Variants in CGNL1 observed in about 807,000 individuals in gnomAD.
The protein encoded by CGNL1 is cingulin-like protein 1.
A neutral mutation model predicts 141.2 loss-of-function variants in CGNL1; 132 were observed. That is an observed-to-expected ratio of 0.93 (90% CI 0.81 to 1.08). The LOEUF (loss-of-function observed/expected upper bound fraction) is 1.08. Ranked by LOEUF, CGNL1 falls within the 50% of genes least tolerant of loss-of-function variation. The pLI, the probability that CGNL1 is intolerant of heterozygous loss-of-function variation, is 0.00. For missense variants in CGNL1, 1,870 were observed against 1,588.6 expected (o/e 1.18, Z -3.01); for synonymous variants, 690 against 622.1 (o/e 1.11, Z -1.63).
chr15:57,458,255 G>A (rs2063403579), intron 7 of CGNL1, among the ~76,000 whole-genome samples: 1 of 152,154 alleles, frequency 6.6e-6, no homozygotes, highest in Non-Finnish European at 1.5e-5. Flanking sequence ...TCTAATGGAT[G>A]TATACTTACA....
intron 1 of CGNL1, among the ~76,000 whole-genome samples, chr15:57,380,953 A>G (rs1054926640): frequency 9.8e-5 from 15 of 152,302 alleles, no homozygotes; most frequent in Middle Eastern, 3.4e-3. Context: ...GCTCCTGCCA[A>G]TGGGCAGACA....
intron 3 of CGNL1, among the ~76,000 whole-genome samples, 190 bp from the exon 4 acceptor site, chr15:57,442,183 A>G (rs80015813): frequency 0.012 from 124 of 10,298 alleles, 2 homozygotes; most frequent in East Asian, 0.025. Context: ...CATTTATTTG[A>G]AAAAAAAAAA....
intron 1 of CGNL1, among the ~76,000 whole-genome samples, chr15:57,391,277 G>C (rs2062539951): frequency 6.6e-6 from 1 of 152,218 alleles, no homozygotes; most frequent in Non-Finnish European, 1.5e-5. Context: ...GAAGCCATGT[G>C]AGCCTCGTGC....
chr15:57,476,122 C>T (rs542123785), intron 8 of CGNL1, among the ~76,000 whole-genome samples: 2 of 152,300 alleles, frequency 1.3e-5, no homozygotes, highest in Non-Finnish European at 2.9e-5. Context: ...GACAAGAAAG[C>T]TGACAGCCAG....
intron 1 of CGNL1, among the ~76,000 whole-genome samples, chr15:57,421,659 G>C (rs2062916461): frequency 6.6e-6 from 1 of 152,124 alleles, no homozygotes; most frequent in Non-Finnish European, 1.5e-5. Context: ...GAGCAGGAGA[G>C]CCCACTTTTA....
chr15:57,426,664 G>A (rs2062979171), intron 1 of CGNL1, among the ~76,000 whole-genome samples: 1 of 137,038 alleles, frequency 7.3e-6, no homozygotes, highest in African/African-American at 2.8e-5. Context: ...TTGCCATGTT[G>A]CCCAGGCTGG....
intron 1 of CGNL1, among the ~76,000 whole-genome samples, chr15:57,394,420 C>T (rs562378555): frequency 5.0e-4 from 76 of 152,190 alleles, no homozygotes; most frequent in Middle Eastern, 3.4e-3. Flanking sequence ...CCACCATGCC[C>T]GGCTTATTTG....
At position 57,438,760 on chromosome 15, in the gene CGNL1, G is replaced by A; in HGVS notation, c.761G>A (p.Gly254Glu). The change falls in exon 2 of 19, where the codon GGG becomes GAG. Residue 254 changes from glycine to glutamate, a missense_variant. Physicochemically the swap from Gly to Glu is moderately conservative, Grantham distance 98 (BLOSUM62 -2). Transcript: ENST00000281282. ...RVGEEALFTS[G>E]RPLTAHSPHA... ...GGAGAGGAGGCCCTTTTCACTAGCG[G>A]GAGGCCCCTGACTGCCCACAGCCCA... 1.9e-6 allele frequency: 3 copies of A among 1,614,132 alleles called. No homozygotes were observed. Among genetic ancestry groups the A allele is most frequent in the Non-Finnish European group, 2.5e-6 (3 of 1,180,022 alleles).
At chr15:57,523,943 C>A (rs1228181005) in intron 11 of CGNL1, among the ~76,000 whole-genome samples, 2 of 152,204 alleles carry the variant, frequency 1.3e-5, no homozygotes, top group Non-Finnish European at 2.9e-5. Flanking sequence ...GAATCGACAT[C>A]TCTGTGCAGA....
intron 8 of CGNL1, among the ~76,000 whole-genome samples, chr15:57,496,181 C>G (rs1595764870): frequency 6.6e-6 from 1 of 152,174 alleles, no homozygotes; most frequent in Non-Finnish European, 1.5e-5. Context: ...ACCCTCCAAA[C>G]AGCCTTAGTT....
chr15:57,428,916 C>T (rs1028163188), intron 1 of CGNL1, among the ~76,000 whole-genome samples: 1 of 151,784 alleles, frequency 6.6e-6, no homozygotes, highest in African/African-American at 2.4e-5. Context: ...CCAGCTACTC[C>T]GGAGGCTGAG....
chr15:57,455,415 G>C (rs1048846673), intron 7 of CGNL1, among the ~76,000 whole-genome samples: 1 of 152,126 alleles, frequency 6.6e-6, no homozygotes, highest in South Asian at 2.1e-4. Context: ...TGTTATCTTA[G>C]CTCTTGGGAA....
rs1225886583 is a variant in CGNL1 at position 57,509,050 on chromosome 15, G to C, written c.2404-7730G>C. Among the ~76,000 whole-genome samples, 10 of 152,102 alleles carry C rather than the reference G, an allele frequency of 6.6e-5. 1 individual carries two copies. Among genetic ancestry groups the C allele is most frequent in the Admixed American group, 6.5e-4 (10 of 15,272 alleles). ...AGGGGGAAGCTGAAGACACAATATG[G>C]GGGACTTGCTTTCCTAACACTTCAG... On this transcript the variant is annotated intron_variant, in intron 8 of 18. Coordinates refer to ENST00000281282, the MANE Select transcript of CGNL1 (RefSeq NM_032866.5).
In CGNL1 at chr15:57,461,747, T is replaced by G. The variant is rs1269395356; in HGVS notation, c.2258T>G (p.Leu753Trp). ...GCCAAAGAGGAGCAAGAAGACCTCT[T>G]GAGAAAGCGAGAGCGTGAACTCACC... ...LIAKEEQEDL[L>W]RKRERELTAL... The change falls in exon 8 of 19, where the codon TTG (leucine) becomes TGG (tryptophan). Residue 753 changes from leucine to tryptophan, a missense_variant. Leu to Trp is a moderately conservative substitution (Grantham distance 61). Coordinates refer to ENST00000281282, the MANE Select transcript of CGNL1 (RefSeq NM_032866.5). 1.2e-6 allele frequency: 2 copies of G among 1,614,058 alleles called. No individual in the cohort carries two copies. Among genetic ancestry groups the G allele is most frequent in the Non-Finnish European group, 8.5e-7 (1 of 1,180,002 alleles).
chr15:57,386,463 C>T (rs1595647012), intron 1 of CGNL1, among the ~76,000 whole-genome samples: 1 of 152,186 alleles, frequency 6.6e-6, no homozygotes, highest in South Asian at 2.1e-4. Flanking sequence ...ATGGTTGGGG[C>T]TCAACAAAGA....
chr15:57,407,868 C>T (rs1027565482), intron 1 of CGNL1, among the ~76,000 whole-genome samples: 20 of 151,500 alleles, frequency 1.3e-4, no homozygotes, highest in Admixed American at 7.9e-4. Flanking sequence ...CCTGCCCCCG[C>T]CTCCTGAGTA....
chr15:57,384,835 C>A (rs2062464567), intron 1 of CGNL1, among the ~76,000 whole-genome samples: 2 of 152,154 alleles, frequency 1.3e-5, no homozygotes, highest in Non-Finnish European at 2.9e-5. Context: ...ACTTGACATC[C>A]TTGTATTTCC....
chr15:57,411,966 CTG>C (rs2062793508), intron 1 of CGNL1, among the ~76,000 whole-genome samples: 1 of 152,196 alleles, frequency 6.6e-6, no homozygotes, highest in African/African-American at 2.4e-5. Flanking sequence ...CTCATATTTT[CTG>C]TGTTTGCTGT....
chr15:57,523,541 A>G lies in CGNL1; in HGVS notation c.2768A>G (p.Lys923Arg). ...CAGAAGCAGTTGTCTGAGAAGCTCA[A>G]AGAGGAGAGTGAGCAGAAGGAGCAG... The part of the protein sequence containing the change: ...QEQKQLSEKL[K>R]EESEQKEQLR... Residue 923 changes from lysine to arginine, a missense_variant, in exon 11 of 19, where the codon AAA becomes AGA. By Grantham distance (26) the Lys-to-Arg change is conservative (BLOSUM62 2). Coordinates refer to ENST00000281282, the MANE Select transcript of CGNL1 (RefSeq NM_032866.5). 6.2e-7 allele frequency: 1 copy of G among 1,614,194 alleles called. No individual in the cohort carries two copies. The highest frequency in any genetic ancestry group is 1.3e-5 in the African/African-American group (1 of 75,048).
Sources: gnomAD v4.1 joint callset for allele counts (sites outside exome capture counted in the v4.1 genomes callset) on GRCh38, gnomAD v4.1.1 for gene constraint, MANE v1.5 for transcripts, NCBI Gene and HGNC (gene_info 2026-07-23, HGNC 2026-07-21) for gene names.